The following GLI3 variants were observed in gnomAD, a reference collection of about 807,000 sequenced individuals.
GLI3 encodes GLI family zinc finger 3.
Under a neutral mutation model 100.8 loss-of-function variants are expected in GLI3, and 20 were observed. The observed-to-expected ratio is 0.20, with a 90% CI of 0.14 to 0.29. GLI3 has a LOEUF of 0.29. Among genes scored for constraint, GLI3 ranks in the 10% least tolerant of loss-of-function variants. The pLI, the probability that GLI3 is intolerant of heterozygous loss-of-function variation, is 1.00. For missense variants in GLI3, 2,040 were observed against 2,128.5 expected (o/e 0.96, Z 0.82); for synonymous variants, 938 against 860.5 (o/e 1.09, Z -1.58).
At chr7:42,078,396 G>GA (rs571657626) in intron 3 of GLI3, among the ~76,000 whole-genome samples, 238 of 152,060 alleles carry the variant, frequency 1.6e-3, no homozygotes, top group African/African-American at 5.2e-3. Flanking sequence ...TGTTTATGAA[G>GA]AAAAAAATCC....
At chr7:42,160,557 G>C (rs1454143539) in intron 2 of GLI3, among the ~76,000 whole-genome samples, 1 of 152,182 alleles carries the variant, frequency 6.6e-6, no homozygotes. Flanking sequence ...TTTTCTACTT[G>C]TGGCATCACG....
chr7:42,159,368 T>C (rs1787079694), intron 2 of GLI3, among the ~76,000 whole-genome samples: 3 of 152,158 alleles, frequency 2.0e-5, no homozygotes, highest in Admixed American at 2.0e-4. Flanking sequence ...TACCAACAAA[T>C]GAAAGGCCCT....
intron 1 of GLI3, among the ~76,000 whole-genome samples, chr7:42,263,451 A>ATTT (rs61001793): frequency 3.7e-5 from 4 of 109,266 alleles, no homozygotes; most frequent in Non-Finnish European, 7.6e-5. Context: ...TATTTTATTT[A>ATTT]TTTTTTTTTT....
chr7:42,018,547 C>A (rs925351808), intron 10 of GLI3, among the ~76,000 whole-genome samples: 8 of 152,194 alleles, frequency 5.3e-5, no homozygotes, highest in African/African-American at 1.2e-4. Flanking sequence ...CTCTTCCTTG[C>A]GTTTCTACAG....
At chr7:42,126,746 GA>G (rs1441849548) in intron 3 of GLI3, among the ~76,000 whole-genome samples, 1 of 152,192 alleles carries the variant, frequency 6.6e-6, no homozygotes, top group African/African-American at 2.4e-5. Context: ...AAAATTTTCA[GA>G]AAAGTATACA....
At chr7:42,126,642 G>A (rs971255133) in intron 3 of GLI3, among the ~76,000 whole-genome samples, 1 of 152,166 alleles carries the variant, frequency 6.6e-6, no homozygotes, top group African/African-American at 2.4e-5. Flanking sequence ...AATGAGTAAA[G>A]GAAACCAAAA....
chr7:42,104,273 T>C (rs921729536), intron 3 of GLI3, among the ~76,000 whole-genome samples: 5 of 152,198 alleles, frequency 3.3e-5, no homozygotes, highest in Non-Finnish European at 5.9e-5. Flanking sequence ...ACGTAAAACC[T>C]ACCTAGACAT....
intron 3 of GLI3, among the ~76,000 whole-genome samples, chr7:42,090,728 T>A (rs1029454060): frequency 1.3e-5 from 2 of 152,168 alleles, no homozygotes; most frequent in African/African-American, 4.8e-5. Flanking sequence ...TGTCCTCAGC[T>A]TAACCTTCAG....
chr7:41,965,198 T>C lies in GLI3; in HGVS notation c.3875A>G (p.Gln1292Arg), dbSNP rs749093099. ...KSTPMQGSGG[Q>R]LNFGLPVAPN... ...CGCTACCGGCAGGCCGAAATTCAGC[T>C]GGCCCCCGCTCCCTTGCATGGGGGT... Residue 1292 changes from glutamine to arginine, a missense_variant, in exon 15 of 15, where the codon CAG becomes CGG. Around this residue, in one of 5 missense-constraint regions of GLI3, gnomAD observed 1,041 missense variants for 924.0 expected, o/e 1.13. Transcript: ENST00000395925. 6.2e-6 allele frequency: 10 copies of C among 1,613,770 alleles called. No homozygotes were observed. The African/African-American group carries it at 1.3e-4, about 22-fold the overall frequency.
chr7:42,162,822 A>G (rs1159609386), intron 2 of GLI3, among the ~76,000 whole-genome samples: 1 of 152,162 alleles, frequency 6.6e-6, no homozygotes, highest in East Asian at 1.9e-4. Context: ...TGTCACAAAG[A>G]AGCAGCTTCT....
chr7:42,070,159 C>T (rs1008465084), intron 4 of GLI3, among the ~76,000 whole-genome samples: 2 of 152,206 alleles, frequency 1.3e-5, no homozygotes, highest in Non-Finnish European at 2.9e-5. Flanking sequence ...TTTACCAAAC[C>T]ACTCCAGTGG....
intron 4 of GLI3, among the ~76,000 whole-genome samples, chr7:42,058,783 A>G (rs1467089748): frequency 1.3e-5 from 2 of 152,242 alleles, no homozygotes; most frequent in Non-Finnish European, 2.9e-5. Context: ...AGAGCAGTGC[A>G]ATTGTTTATA....
chr7:42,005,936 T>C (rs1364345113), intron 10 of GLI3, among the ~76,000 whole-genome samples: 1 of 152,116 alleles, frequency 6.6e-6, no homozygotes, highest in African/African-American at 2.4e-5. Flanking sequence ...TCTCTAGAAA[T>C]AGTCCCAAGT....
At chr7:42,122,224 T>C (rs1786019376) in intron 3 of GLI3, among the ~76,000 whole-genome samples, 1 of 145,584 alleles carries the variant, frequency 6.9e-6, no homozygotes, top group Admixed American at 6.9e-5. Flanking sequence ...TAATTTATAT[T>C]TTATATATAT....
intron 12 of GLI3, among the ~76,000 whole-genome samples, 169 bp downstream of exon 12, chr7:41,977,389 T>A (rs1304262706): frequency 6.6e-6 from 1 of 152,192 alleles, no homozygotes; most frequent in Non-Finnish European, 1.5e-5. Flanking sequence ...AGATCCAGTT[T>A]CCAGTCCCAC....
chr7:42,086,499 C>A (rs890388209), intron 3 of GLI3, among the ~76,000 whole-genome samples: 1 of 152,122 alleles, frequency 6.6e-6, no homozygotes, highest in East Asian at 1.9e-4. Flanking sequence ...ATAGCCTCCC[C>A]ACTCCAGCCC....
intron 3 of GLI3, among the ~76,000 whole-genome samples, chr7:42,106,737 C>T (rs535479739): frequency 6.6e-6 from 1 of 152,324 alleles, no homozygotes; most frequent in East Asian, 1.9e-4. Context: ...CTTCCTACTT[C>T]GTGGTGTGAA....
chr7:42,016,347 A>T (rs1358634498), intron 10 of GLI3, among the ~76,000 whole-genome samples: 1 of 152,132 alleles, frequency 6.6e-6, no homozygotes, highest in African/African-American at 2.4e-5. Flanking sequence ...GCCTATCGAC[A>T]TCTTTCTGCA....
intron 1 of GLI3, among the ~76,000 whole-genome samples, chr7:42,232,356 C>A (rs2128705989): frequency 6.6e-6 from 1 of 152,290 alleles, no homozygotes; most frequent in Non-Finnish European, 1.5e-5. Context: ...TTACCTCAAA[C>A]CCAGTCAAGC....
Sources: allele counts gnomAD v4.1 joint callset (sites outside exome capture counted in the v4.1 genomes callset), GRCh38; gene constraint gnomAD v4.1.1; regional missense constraint gnomAD v4.1.1; transcripts MANE v1.5; gene names NCBI Gene and HGNC (gene_info 2026-07-23, HGNC 2026-07-21).